Variants in ABTB2 observed in about 807,000 individuals in gnomAD.
The protein encoded by ABTB2 is ankyrin repeat and BTB domain containing 2, also known as ankyrin repeat and BTB/POZ domain-containing protein 2.
In ABTB2, 56 loss-of-function variants were observed where a neutral mutation model predicts 104.1. That is an observed-to-expected ratio of 0.54 (90% confidence interval 0.43 to 0.67). The LOEUF is 0.67. ABTB2 is among the 30% of genes least tolerant of loss of function. The pLI is 0.00. For synonymous variants in ABTB2, 606 were observed against 608.2 expected (o/e 1.00, Z 0.05); for missense variants, 1,279 against 1,407.7 (o/e 0.91, Z 1.46).
At chr11:34,302,090 G>A (rs1456252192) in intron 1 of ABTB2, among the ~76,000 whole-genome samples, 1 of 152,212 alleles carries the variant, frequency 6.6e-6, no homozygotes, top group African/African-American at 2.4e-5. Context: ...ACACCCCCAA[G>A]ATAATCACTA....
intron 1 of ABTB2, among the ~76,000 whole-genome samples, chr11:34,221,612 G>A (rs982109789): frequency 1.3e-5 from 2 of 152,212 alleles, no homozygotes; most frequent in Non-Finnish European, 2.9e-5. Flanking sequence ...GGCTTGAGGT[G>A]GTGACGGCAA....
At chr11:34,297,201 C>T (rs112908993) in intron 1 of ABTB2, among the ~76,000 whole-genome samples, 3 of 152,244 alleles carry the variant, frequency 2.0e-5, no homozygotes, top group Non-Finnish European at 2.9e-5. Flanking sequence ...AGGTGTTCCA[C>T]GGATTTATGA....
At chr11:34,196,920 A>G (rs1010057062) in intron 3 of ABTB2, among the ~76,000 whole-genome samples, 1 of 152,230 alleles carries the variant, frequency 6.6e-6, no homozygotes. Flanking sequence ...AAGAGGTGAC[A>G]GCTACCACTG....
chr11:34,272,706 C>CAAAAAAAAAAAAAAAAAA (rs35638814), intron 1 of ABTB2, among the ~76,000 whole-genome samples: 1 of 41,060 alleles, frequency 2.4e-5, no homozygotes, highest in African/African-American at 9.9e-5. Context: ...GACTCCGTCT[C>CAAAAAAAAAAAAAAAAAA]AAAAAAAAAA....
At chr11:34,311,553 C>T (rs567146167) in intron 1 of ABTB2, among the ~76,000 whole-genome samples, 6 of 152,224 alleles carry the variant, frequency 3.9e-5, no homozygotes, top group East Asian at 1.9e-4. Context: ...ATTCTGAAGC[C>T]GCTGCTAATA....
intron 1 of ABTB2, among the ~76,000 whole-genome samples, chr11:34,342,558 T>C (rs1411743900): frequency 1.3e-5 from 2 of 152,212 alleles, no homozygotes; most frequent in Non-Finnish European, 2.9e-5. Flanking sequence ...TGAGCTTGTT[T>C]TTCAGCAGCA....
At chr11:34,213,677 A>C (rs1453779294) in intron 1 of ABTB2, among the ~76,000 whole-genome samples, 1 of 152,220 alleles carries the variant, frequency 6.6e-6, no homozygotes, top group African/African-American at 2.4e-5. Flanking sequence ...TTTTTGAAGC[A>C]AAAACTTAAT....
At chr11:34,256,136 A>G (rs992846061) in intron 1 of ABTB2, among the ~76,000 whole-genome samples, 8 of 124,694 alleles carry the variant, frequency 6.4e-5, no homozygotes, top group African/African-American at 2.6e-4. Context: ...TGTTGTCCAC[A>G]CTGCCGTCGG....
At chr11:34,153,919 G>A (rs1331473360) in intron 16 of ABTB2, among the ~76,000 whole-genome samples, 4 of 152,206 alleles carry the variant, frequency 2.6e-5, no homozygotes, top group Non-Finnish European at 2.9e-5. Flanking sequence ...GGACAGCTAG[G>A]GAGGCACAGA....
At chr11:34,238,133 C>T in intron 1 of ABTB2, among the ~76,000 whole-genome samples, 1 of 152,172 alleles carries the variant, frequency 6.6e-6, no homozygotes, top group East Asian at 1.9e-4. Context: ...TACTCCCAGC[C>T]TCTCTGGCTA....
At position 34,217,998 on chromosome 11, in the gene ABTB2, C is replaced by G. The variant is rs371128077; in HGVS notation, c.884-13308G>C. ...CTCTAAGAGGTGTGCAGTGGTATGT[C>G]CTAGTATGGTCATTGTAACTTGCAA... On this transcript the variant is annotated intron_variant, in intron 1 of 16. Coordinates refer to ENST00000435224, the MANE Select transcript of ABTB2 (RefSeq NM_145804.3). Among the ~76,000 whole-genome samples the G allele has an allele frequency of 1.4e-3, 211 of 152,294 alleles. 2 individuals are homozygous for G. The highest frequency in any genetic ancestry group is 4.8e-3 in the African/African-American group (201 of 41,564).
At chr11:34,192,896 T>G (rs1485478569) in intron 3 of ABTB2, among the ~76,000 whole-genome samples, 5 of 152,216 alleles carry the variant, frequency 3.3e-5, no homozygotes, top group Non-Finnish European at 7.3e-5. Flanking sequence ...TCTCCTCTAC[T>G]TGATGACGCT....
intron 1 of ABTB2, among the ~76,000 whole-genome samples, chr11:34,305,409 G>A (rs1290797276): frequency 6.6e-6 from 1 of 152,190 alleles, no homozygotes; most frequent in Non-Finnish European, 1.5e-5. Context: ...CATTCACTAT[G>A]CATGAAGCAT....
intron 1 of ABTB2, among the ~76,000 whole-genome samples, chr11:34,205,833 G>C (rs1206507152): frequency 2.0e-5 from 3 of 152,154 alleles, no homozygotes; most frequent in Non-Finnish European, 2.9e-5. Context: ...GTAACCAGTG[G>C]TGTGATCTTG....
chr11:34,250,555 A>C (rs1374619640), intron 1 of ABTB2, among the ~76,000 whole-genome samples: 1 of 152,256 alleles, frequency 6.6e-6, no homozygotes, highest in Non-Finnish European at 1.5e-5. Flanking sequence ...AACAAACCCT[A>C]GGATAAGCTT....
chr11:34,216,368 T>C (rs1853548801), intron 1 of ABTB2, among the ~76,000 whole-genome samples: 1 of 152,176 alleles, frequency 6.6e-6, no homozygotes, highest in Non-Finnish European at 1.5e-5. Context: ...ATCTTTTTAC[T>C]GTCTCCATAG....
chr11:34,306,815 T>A (rs938937737), intron 1 of ABTB2, among the ~76,000 whole-genome samples: 7 of 151,714 alleles, frequency 4.6e-5, no homozygotes, highest in African/African-American at 1.7e-4. Flanking sequence ...CAAATATTAC[T>A]TTATAGAATT....
intron 1 of ABTB2, among the ~76,000 whole-genome samples, chr11:34,333,366 T>A (rs2145794): frequency 0.83 from 125,638 of 152,160 alleles, 51,943 homozygotes; most frequent in South Asian, 0.9. Context: ...AAGACTCTGG[T>A]CTTTATGCAT....
chr11:34,197,098 C>T (rs745618568), intron 3 of ABTB2, among the ~76,000 whole-genome samples: 1 of 152,098 alleles, frequency 6.6e-6, no homozygotes, highest in Non-Finnish European at 1.5e-5. Flanking sequence ...ACGTTCTGAG[C>T]CTCAGTGGCC....
Sources: allele counts gnomAD v4.1 joint callset (sites outside exome capture counted in the v4.1 genomes callset), GRCh38; gene constraint gnomAD v4.1.1; transcripts MANE v1.5; gene names NCBI Gene and HGNC (gene_info 2026-07-23, HGNC 2026-07-21).